DCHS1: variants seen among roughly 807,000 people sequenced by gnomAD.
DCHS1 encodes the protein protocadherin-16.
In DCHS1, 78 loss-of-function variants were observed where a neutral mutation model predicts 213.9. The ratio of observed to expected loss-of-function variants is 0.36; its 90% confidence interval spans 0.30 to 0.44. The LOEUF (loss-of-function observed/expected upper bound fraction) is 0.44. DCHS1 is among the 20% of genes least tolerant of loss of function. The probability of loss-of-function intolerance (pLI) is 1.00; values close to 1 mark genes in which losing one functional copy is unlikely to be tolerated. For synonymous variants in DCHS1, 1,828 were observed against 1,873.7 expected, an observed-to-expected ratio of 0.98 and a Z score of 0.63; for missense variants, 3,946 against 4,395.9, an observed-to-expected ratio of 0.90 and a Z score of 2.89.
chr11:6,628,838 G>T lies in DCHS1; in HGVS notation c.5162-8C>A, dbSNP rs1855855596. The T allele has an allele frequency of 1.2e-6, 2 of 1,610,456 alleles. No individual in the cohort carries two copies. Among genetic ancestry groups the T allele is most frequent in the African/African-American group, 2.7e-5 (2 of 74,884 alleles). On this transcript the variant is annotated splice_region_variant and splice_polypyrimidine_tract_variant and intron_variant, in intron 12 of 20. Coordinates refer to ENST00000299441, the MANE Select transcript of DCHS1 (RefSeq NM_003737.4). This position sits in a 1 kb window ranked among gnomAD's most constrained non-coding sequence, Gnocchi z 4.3. Reference sequence around the variant, plus strand: ...CCCTGTCCTGGGCATACACTGTGGGGAAGCAAAATCAATGAGGTCTAGTCT... The same window carrying T: ...CCCTGTCCTGGGCATACACTGTGGGTAAGCAAAATCAATGAGGTCTAGTCT...
At chr11:6,639,608 C>T (rs1259416973) in intron 2 of DCHS1, among the ~76,000 whole-genome samples, 2 of 152,218 alleles carry the variant, frequency 1.3e-5, no homozygotes, top group African/African-American at 4.8e-5. Flanking sequence ...CTGCCAAGAC[C>T]ATCTGCCTCA....
In DCHS1 at chr11:6,621,588, T is replaced by G. The variant is rs962071343; in HGVS notation, c.*191A>C. The G allele has an allele frequency of 2.7e-6, 2 of 733,698 alleles. No homozygotes were observed. Among genetic ancestry groups the G allele is most frequent in the Admixed American group, 4.0e-5 (2 of 49,908 alleles). 45.4% of individuals were successfully genotyped at this position (733,698 alleles called of 1,614,324 possible). A position where few individuals can be genotyped will look rare whatever the true frequency, so the allele number is the denominator to read the frequency against. ...TCCCCACATTGGACCTGGTCACAGG[T>G]CAGTGAGCAACAGGGCTTCTGTGGT... On this transcript the variant is annotated 3_prime_UTR_variant, in exon 21 of 21. Transcript: ENST00000299441.
Position 6,639,866 on chromosome 11 carries a change from T to C in DCHS1, c.1748A>G (p.Tyr583Cys). 1 of 1,612,726 alleles carries C rather than the reference T, an allele frequency of 6.2e-7. No homozygotes were observed. Among genetic ancestry groups the C allele is most frequent in the East Asian group, 2.2e-5 (1 of 44,852 alleles). ...DNEPQFQRTFYNASLPEGTQP... is the reference protein window; with the variant it reads ...DNEPQFQRTFCNASLPEGTQP... The stretch of plus-strand genomic sequence containing the variant: ...GGTGCCCTCAGGCAGTGAGGCATTG[T>C]AGAAAGTCCTCTGGAATTGGGGCTC... The change falls in exon 2 of 21, where the codon TAC (tyrosine) becomes TGC (cysteine). Residue 583 changes from tyrosine (Y) to cysteine (C), a missense_variant. Physicochemically the swap from Tyr to Cys is radical, Grantham distance 194. Coordinates refer to ENST00000299441, the MANE Select transcript of DCHS1 (RefSeq NM_003737.4).
In DCHS1 at chr11:6,628,493, AG is replaced by A; in HGVS notation, c.5371+127del. ...TAGCTACACTGGGTATAAGCATGAAAGAAAAGGTGGACGACATCAAGAGGGA... is the reference window on the plus strand; with the variant it reads ...TAGCTACACTGGGTATAAGCATGAAAAAAAGGTGGACGACATCAAGAGGGA... On this transcript the variant is annotated intron_variant, in intron 13 of 20. Transcript: ENST00000299441. This position sits in a 1 kb window ranked among gnomAD's most constrained non-coding sequence, Gnocchi z 4.3. 1 of 1,002,740 alleles carries A rather than the reference AG, an allele frequency of 1.0e-6. No homozygotes were observed. The highest frequency in any genetic ancestry group is 2.1e-5 in the Admixed American group (1 of 47,370). 62.1% of individuals were successfully genotyped at this position (1,002,740 alleles called of 1,614,324 possible).
Position 6,626,069 on chromosome 11 carries a change from C to A in DCHS1, c.6582G>T (p.Glu2194Asp). 6.2e-7 allele frequency: 1 copy of A among 1,609,934 alleles called. No individual in the cohort carries two copies. The highest frequency in any genetic ancestry group is 2.2e-5 in the East Asian group (1 of 44,720). Residue 2194 changes from glutamate to aspartate, a missense_variant, in exon 17 of 21, where the codon GAG becomes GAT. Physicochemically the swap from Glu to Asp is conservative, Grantham distance 45. This residue lies in a region of DCHS1 where 3,384 missense variants were observed against 3,780.1 expected (regional missense o/e 0.90). Transcript: ENST00000299441. The surrounding 1 kb of genome is among the most constrained non-coding windows in gnomAD (Gnocchi z 5.2). ...RPLEGPLLQV[E>D]ADDLDQGSGG... ...CAGAGCCTTGATCCAGGTCATCCGC[C>A]TCCACCTGGTGAGGGTAGGAGGCTG... is the stretch of plus-strand genomic sequence containing the variant.
intron 1 of DCHS1, among the ~76,000 whole-genome samples, chr11:6,651,840 G>C (rs567453014): frequency 1.3e-5 from 2 of 152,292 alleles, no homozygotes; most frequent in South Asian, 2.1e-4. Context: ...ATTTGGGGAA[G>C]GAAGGAATGA....
In DCHS1 at chr11:6,640,495, G is replaced by A. The variant is rs751045847; in HGVS notation, c.1119C>T (p.Pro373=). ...TVIFLSADGS[P]QVSEAAPPGQ... is the part of the protein sequence containing the mutation. ...CAGGTGGGGCGGCCTCAGACACTTG[G>A]GGGGAGCCATCTGCACTGAGAAAGA... The change falls in exon 2 of 21, where the codon CCC becomes CCT. Residue 373 remains proline, a synonymous_variant. Coordinates refer to ENST00000299441, the MANE Select transcript of DCHS1 (RefSeq NM_003737.4). The surrounding 1 kb of genome is among the most constrained non-coding windows in gnomAD (Gnocchi z 6.5). 3.7e-6 allele frequency: 6 copies of A among 1,613,206 alleles called. No individual in the cohort carries two copies. Among genetic ancestry groups the A allele is most frequent in the Admixed American group, 1.7e-5 (1 of 60,008 alleles).
chr11:6,623,686 C>T lies in DCHS1; in HGVS notation c.7990G>A (p.Ala2664Thr). 6.2e-7 allele frequency: 1 copy of T among 1,613,820 alleles called. No homozygotes were observed. Among genetic ancestry groups the T allele is most frequent in the Non-Finnish European group, 8.5e-7 (1 of 1,179,882 alleles). Residue 2664 changes from alanine to threonine, a missense_variant, in exon 21 of 21, where the codon GCC (alanine) becomes ACC (threonine). Transcript: ENST00000299441. ...CGAGCCTGGGTCTCACAGTCCAGGG[C>T]ATGGGCCAGTCGCAAGGTGCCTGAG... ...ESSGTLRLAH[A>T]LDCETQARHQ...
At chr11:6,631,584 T>G in intron 7 of DCHS1, 32 bp downstream of exon 7, 6 of 1,550,854 alleles carry the variant, frequency 3.9e-6, no homozygotes, top group Non-Finnish European at 5.2e-6. Context: ...CCTCTCACAC[T>G]TCTCAGGACA....
chr11:6,645,458 T>C (rs118134547), intron 1 of DCHS1, among the ~76,000 whole-genome samples: 2,912 of 152,324 alleles, frequency 0.019, 27 homozygotes, highest in South Asian at 0.034. Context: ...GTGAGGCCAA[T>C]GTGCTTATCA....
intron 20 of DCHS1, 120 bp downstream of exon 20, chr11:6,624,610 A>G: frequency 6.8e-7 from 1 of 1,477,290 alleles, no homozygotes; most frequent in Non-Finnish European, 9.2e-7. Flanking sequence ...AGGGGAGGAA[A>G]TGTCCTCCCT....
Position 6,630,035 on chromosome 11 carries a change from C to T in DCHS1, c.4759G>A (p.Gly1587Ser), listed in dbSNP as rs748834204. ...AARVSYRLAS[G>S]GDGHFRLHSS... ...TGCAGCCGGAAGTGGCCGTCCCCGC[C>T]AGATGCCAGCCGATAGGACACGCGT... Residue 1587 changes from glycine to serine, a missense_variant, in exon 10 of 21, where the codon GGC becomes AGC. Around this residue, in one of 3 missense-constraint regions of DCHS1, gnomAD observed 3,384 missense variants for 3,780.1 expected, o/e 0.90. Coordinates refer to ENST00000299441, the MANE Select transcript of DCHS1 (RefSeq NM_003737.4). The T allele has an allele frequency of 6.4e-7, 1 of 1,557,918 alleles. No individual in the cohort carries two copies. The highest frequency in any genetic ancestry group is 8.7e-7 in the Non-Finnish European group (1 of 1,148,640).
At position 6,623,374 on chromosome 11, in the gene DCHS1, G is replaced by A. The variant is rs368211314; in HGVS notation, c.8302C>T (p.Arg2768Cys). 2.3e-4 allele frequency: 364 copies of A among 1,597,622 alleles called. No homozygotes were observed. Among genetic ancestry groups the A allele is most frequent in the Admixed American group, 4.3e-4 (25 of 57,756 alleles). The change falls in exon 21 of 21, where the codon CGT becomes TGT. Residue 2768 changes from arginine (R) to cysteine (C), a missense_variant. Physicochemically the swap from Arg to Cys is radical, Grantham distance 180 (BLOSUM62 -3). Coordinates refer to ENST00000299441, the MANE Select transcript of DCHS1 (RefSeq NM_003737.4). The stretch of plus-strand genomic sequence containing the variant: ...TCATAGTCAAAGGGCACTCGCGCAC[G>A]CAACTCCCCTGTTGAGCTGTTCAGT... ...FALNSSTGEL[R>C]ARVPFDYEHT...
chr11:6,624,208 C>A lies in DCHS1; in HGVS notation c.7468G>T (p.Ala2490Ser). 3 of 1,613,286 alleles carry A rather than the reference C, an allele frequency of 1.9e-6. No homozygotes were observed. The highest frequency in any genetic ancestry group is 2.5e-6 in the Non-Finnish European group (3 of 1,179,732). ...PSFTLSHYRVAVTEDLPPGST... is the reference protein window; with the variant it reads ...PSFTLSHYRVSVTEDLPPGST... ...CCAGGGGGCAGGTCTTCAGTCACAG[C>A]CACACGGTAGTGTGACAATGTGAAG... The change falls in exon 21 of 21, where the codon GCT (alanine) becomes TCT (serine). Residue 2490 changes from alanine to serine, a missense_variant. Coordinates refer to ENST00000299441, the MANE Select transcript of DCHS1 (RefSeq NM_003737.4).
Position 6,641,124 on chromosome 11 carries a change from G to T in DCHS1, c.490C>A (p.Leu164Met). The T allele has an allele frequency of 6.2e-7, 1 of 1,613,884 alleles. No individual in the cohort carries two copies. The highest frequency in any genetic ancestry group is 8.5e-7 in the Non-Finnish European group (1 of 1,179,896). ...EHTAFGTRYP[L>M]EPARDADAGR... ...GCATCTGCATCACGAGCAGGCTCCA[G>T]TGGGTAGCGGGTGCCAAAAGCTGTA... is the stretch of plus-strand genomic sequence containing the variant. Residue 164 changes from leucine to methionine, a missense_variant, in exon 2 of 21, where the codon CTG becomes ATG. Around this residue, in one of 3 missense-constraint regions of DCHS1, gnomAD observed 3,384 missense variants for 3,780.1 expected, o/e 0.90. Coordinates refer to ENST00000299441, the MANE Select transcript of DCHS1 (RefSeq NM_003737.4). The surrounding 1 kb of genome is among the most constrained non-coding windows in gnomAD (Gnocchi z 7.1).
In DCHS1 at chr11:6,627,473, G is replaced by T. The variant is rs1269241996; in HGVS notation, c.5566C>A (p.Pro1856Thr). The T allele has an allele frequency of 1.9e-6, 3 of 1,611,360 alleles. No individual in the cohort carries two copies. Among genetic ancestry groups the T allele is most frequent in the Non-Finnish European group, 2.5e-6 (3 of 1,178,920 alleles). Reference sequence around the variant, plus strand: ...ACCTCCACCGAGTAGGCAGGCACAGGAAAGGCTGGAGCATGGTCATTGGCA... The same window carrying T: ...ACCTCCACCGAGTAGGCAGGCACAGTAAAGGCTGGAGCATGGTCATTGGCA... ...LDANDHAPAF[P>T]VPAYSVEVPE... Residue 1856 changes from proline to threonine, a missense_variant, in exon 14 of 21, where the codon CCT becomes ACT. This residue lies in a region of DCHS1 where 3,384 missense variants were observed against 3,780.1 expected (regional missense o/e 0.90). Transcript: ENST00000299441. The surrounding 1 kb of genome is among the most constrained non-coding windows in gnomAD (Gnocchi z 5.4).
intron 2 of DCHS1, among the ~76,000 whole-genome samples, chr11:6,638,849 C>T (rs758008875): frequency 7.2e-5 from 11 of 152,132 alleles, no homozygotes; most frequent in Non-Finnish European, 1.3e-4. Context: ...TTAATAAAAC[C>T]CAACCTGATC....
chr11:6,640,185 A>G lies in DCHS1; in HGVS notation c.1429T>C (p.Tyr477His), dbSNP rs771693289. Residue 477 changes from tyrosine (Y) to histidine (H), a missense_variant, in exon 2 of 21, where the codon TAC becomes CAC. Tyr to His is a moderately conservative substitution (Grantham distance 83). Around this residue, in one of 3 missense-constraint regions of DCHS1, gnomAD observed 3,384 missense variants for 3,780.1 expected, o/e 0.90. Transcript: ENST00000299441. The surrounding 1 kb of genome is among the most constrained non-coding windows in gnomAD (Gnocchi z 6.5). ...ACCTCAGGCAGGGGCTCAGGTCGGTAGAGCTGGCGGTCAAAGGCAGGTGCA... is the reference window on the plus strand; with the variant it reads ...ACCTCAGGCAGGGGCTCAGGTCGGTGGAGCTGGCGGTCAAAGGCAGGTGCA... Reference protein sequence around the residue: ...DNAPAFDRQLYRPEPLPEVAL... With the variant: ...DNAPAFDRQLHRPEPLPEVAL... 5.6e-6 allele frequency: 9 copies of G among 1,613,808 alleles called. No individual in the cohort carries two copies. The highest frequency in any genetic ancestry group is 7.6e-6 in the Non-Finnish European group (9 of 1,179,796).
rs141850568 is a variant in DCHS1, at chr11:6,625,208, C to A, written c.7136G>T (p.Ser2379Ile). The A allele has an allele frequency of 4.0e-5, 63 of 1,593,208 alleles. No individual in the cohort carries two copies. In the African/African-American group the frequency reaches 6.4e-4, roughly 16 times the overall value. The change falls in exon 19 of 21, where the codon AGC (serine) becomes ATC (isoleucine). Residue 2379 changes from serine (S) to isoleucine (I), a missense_variant. By Grantham distance (142) the Ser-to-Ile change is moderately radical. Coordinates refer to ENST00000299441, the MANE Select transcript of DCHS1 (RefSeq NM_003737.4). The surrounding 1 kb of genome is among the most constrained non-coding windows in gnomAD (Gnocchi z 5.3). Reference sequence around the variant, plus strand: ...CATGGGTGTCAATACCTGGTAGAGGCTCTGTGAGAAGGCAGGTGCATTGTC... The same window carrying A: ...CATGGGTGTCAATACCTGGTAGAGGATCTGTGAGAAGGCAGGTGCATTGTC... ...VNDNAPAFSQ[S>I]LYQVMLLEHT...
Sources: allele counts gnomAD v4.1 joint callset (sites outside exome capture counted in the v4.1 genomes callset), GRCh38; gene constraint gnomAD v4.1.1; regional missense constraint gnomAD v4.1.1; non-coding constraint Gnocchi (gnomAD v3.1); transcripts MANE v1.5; gene names NCBI Gene and HGNC (gene_info 2026-07-23, HGNC 2026-07-21).